The following RIMKLB variants were observed in gnomAD, a reference collection of about 807,000 sequenced individuals.
RIMKLB encodes beta-citrylglutamate synthase B.
A neutral mutation model predicts 32.0 loss-of-function variants in RIMKLB; 7 were observed. That is an observed-to-expected ratio of 0.22 (90% CI 0.12 to 0.41). The LOEUF (loss-of-function observed/expected upper bound fraction) is 0.41. Among genes scored for constraint, RIMKLB ranks in the 10% least tolerant of loss-of-function variants. The probability of loss-of-function intolerance (pLI) is 1.00; values close to 1 mark genes in which losing one functional copy is unlikely to be tolerated. For missense variants in RIMKLB, 289 were observed against 498.7 expected, an observed-to-expected ratio of 0.58 and a Z score of 4.00; for synonymous variants, 172 against 185.1, an observed-to-expected ratio of 0.93 and a Z score of 0.57.
chr12:8,689,410 A>G (rs1461917286), intron 1 of RIMKLB, among the ~76,000 whole-genome samples: 2 of 152,184 alleles, frequency 1.3e-5, no homozygotes, highest in African/African-American at 4.8e-5. Context: ...TTTGACTTCA[A>G]ACTGCAACCA....
chr12:8,721,867 C>T (rs1444863465), intron 2 of RIMKLB, among the ~76,000 whole-genome samples: 1 of 152,140 alleles, frequency 6.6e-6, no homozygotes, highest in Non-Finnish European at 1.5e-5. Flanking sequence ...CCTCACTCTC[C>T]CAAGTAGCTG....
chr12:8,740,333 A>C (rs1947387476), intron 2 of RIMKLB, among the ~76,000 whole-genome samples: 1 of 152,132 alleles, frequency 6.6e-6, no homozygotes, highest in Non-Finnish European at 1.5e-5. Flanking sequence ...GTCATTATAG[A>C]CTTATTTTTT....
chr12:8,717,700 G>T (rs764930348), intron 2 of RIMKLB, among the ~76,000 whole-genome samples: 4 of 152,104 alleles, frequency 2.6e-5, no homozygotes, highest in Non-Finnish European at 2.9e-5. Flanking sequence ...AATCAAAGTT[G>T]CCTGAACTAT....
chr12:8,756,148 T>C (rs1176508298), intron 5 of RIMKLB, among the ~76,000 whole-genome samples: 4 of 135,334 alleles, frequency 3.0e-5, no homozygotes, highest in Non-Finnish European at 3.2e-5. Flanking sequence ...AGTGAGACTC[T>C]GCCTCAAAAA....
intron 3 of RIMKLB, among the ~76,000 whole-genome samples, chr12:8,750,419 C>T (rs892154007): frequency 3.3e-5 from 5 of 152,146 alleles, no homozygotes; most frequent in Admixed American, 2.6e-4. Flanking sequence ...TCCGATGAAA[C>T]TTTATTATTA....
chr12:8,739,532 A>G (rs1295199022), intron 2 of RIMKLB, among the ~76,000 whole-genome samples: 6 of 152,138 alleles, frequency 3.9e-5, no homozygotes, highest in African/African-American at 7.2e-5. Context: ...CTGGTGCGCA[A>G]TGATGCAATC....
chr12:8,698,202 CT>C lies in RIMKLB; in HGVS notation c.-150del. On this transcript the variant is annotated 5_prime_UTR_variant, in exon 1 of 6. Transcript: ENST00000535829. ...ATCCCGACCCCCTCCCCCTCCTCTC[CT>C]TCCCCCACTTCCAGCCGCCCGGCGG... is the stretch of plus-strand genomic sequence containing the variant. 1 of 367,784 alleles carries C rather than the reference CT, an allele frequency of 2.7e-6. No homozygotes were observed. 22.8% of individuals were successfully genotyped at this position (367,784 alleles called of 1,614,324 possible). A position where few individuals can be genotyped will look rare whatever the true frequency, so the allele number is the denominator to read the frequency against.
intron 1 of RIMKLB, among the ~76,000 whole-genome samples, chr12:8,682,949 C>CT (rs1942459793): frequency 1.3e-5 from 2 of 151,832 alleles, no homozygotes; most frequent in African/African-American, 4.8e-5. Flanking sequence ...AACTACTGAT[C>CT]TTTTTAACAT....
upstream of RIMKLB, among the ~76,000 whole-genome samples, chr12:8,680,265 C>T (rs1041492003): frequency 6.6e-5 from 10 of 152,340 alleles, no homozygotes; most frequent in African/African-American, 2.4e-4. Flanking sequence ...ACGCCGTTCT[C>T]CTGCCTCAGC....
chr12:8,760,675 T>C (rs2137984973), intron 5 of RIMKLB, among the ~76,000 whole-genome samples: 1 of 152,342 alleles, frequency 6.6e-6, no homozygotes, highest in Middle Eastern at 3.4e-3. Flanking sequence ...GGTTATTGAT[T>C]TGCATTTCTC....
At chr12:8,742,394 C>G (rs1947640795) in intron 2 of RIMKLB, 1 of 263,888 alleles carries the variant, frequency 3.8e-6, no homozygotes, top group African/African-American at 2.3e-5. Context: ...GTCCATGTGG[C>G]CTTCTCATTG....
chr12:8,710,897 G>A (rs1944318414), intron 1 of RIMKLB, among the ~76,000 whole-genome samples: 1 of 149,898 alleles, frequency 6.7e-6, no homozygotes. Context: ...GGAGGCCAAA[G>A]TGGGAGGATT....
chr12:8,749,809 T>G, intron 2 of RIMKLB, 53 bp from the exon 3 acceptor site: 1 of 1,173,838 alleles, frequency 8.5e-7, no homozygotes, highest in Non-Finnish European at 1.2e-6. Context: ...TATTCCTCTA[T>G]TTTGTTGTAT....
chr12:8,761,499 C>T (rs879400780), intron 5 of RIMKLB, among the ~76,000 whole-genome samples: 5 of 151,972 alleles, frequency 3.3e-5, no homozygotes, highest in Non-Finnish European at 2.9e-5. Flanking sequence ...TGCTCAAATG[C>T]CTGGGGTTTA....
At chr12:8,720,854 A>G (rs1420281027) in intron 2 of RIMKLB, among the ~76,000 whole-genome samples, 2 of 152,082 alleles carry the variant, frequency 1.3e-5, no homozygotes, top group African/African-American at 4.8e-5. Context: ...CGTTTTAAAT[A>G]AGAGATTAAG....
At chr12:8,713,345 T>C (rs1341150637) in intron 1 of RIMKLB, among the ~76,000 whole-genome samples, 2 of 151,996 alleles carry the variant, frequency 1.3e-5, no homozygotes, top group African/African-American at 2.4e-5. Flanking sequence ...GGGAAGAAAA[T>C]TGAATGTAAA....
chr12:8,718,427 C>T (rs1206560733), intron 2 of RIMKLB, among the ~76,000 whole-genome samples: 2 of 152,144 alleles, frequency 1.3e-5, no homozygotes, highest in Non-Finnish European at 2.9e-5. Context: ...CGGCAGATCG[C>T]GAGGTCAGGA....
chr12:8,669,770 G>C, the RIMKLB span, among the ~76,000 whole-genome samples: 1 of 152,072 alleles, frequency 6.6e-6, no homozygotes, highest in Non-Finnish European at 1.5e-5. Flanking sequence ...GCTCATGCCT[G>C]TAATCCCAGC....
chr12:8,733,819 G>T (rs1185507450), intron 2 of RIMKLB, among the ~76,000 whole-genome samples: 1 of 152,232 alleles, frequency 6.6e-6, no homozygotes, highest in African/African-American at 2.4e-5. Context: ...AGGAATTGGA[G>T]GCTGAAGTGA....
Sources: allele counts gnomAD v4.1 joint callset (sites outside exome capture counted in the v4.1 genomes callset), GRCh38; gene constraint gnomAD v4.1.1; transcripts MANE v1.5; gene names NCBI Gene and HGNC (gene_info 2026-07-23, HGNC 2026-07-21).